Variants in OR52N2 observed in about 807,000 individuals in gnomAD.
OR52N2 encodes the protein olfactory receptor 52N2.
For missense variants in OR52N2, 326 were observed against 196.6 expected (o/e 1.66, Z -3.94); for synonymous variants, 129 against 72.0 (o/e 1.79, Z -4.01).
At chr11:5,811,413 T>C (rs755465654) in intron 1 of OR52N2, among the ~76,000 whole-genome samples, 4 of 152,078 alleles carry the variant, frequency 2.6e-5, no homozygotes, top group Non-Finnish European at 4.4e-5. Context: ...AAGAAGTAAA[T>C]GTGACATCAG....
intron 1 of OR52N2, among the ~76,000 whole-genome samples, chr11:5,814,758 A>G (rs1846388751): frequency 6.6e-6 from 1 of 152,202 alleles, no homozygotes; most frequent in African/African-American, 2.4e-5. Context: ...GGGACCCTAC[A>G]TAGCCAAAGC....
chr11:5,816,485 T>C (rs572467767), intron 1 of OR52N2, among the ~76,000 whole-genome samples: 3 of 152,120 alleles, frequency 2.0e-5, no homozygotes, highest in Middle Eastern at 3.4e-3. Flanking sequence ...CTTCATGCAG[T>C]TGAGTGTAAA....
Position 5,820,453 on chromosome 11 carries a change from G to T in OR52N2, c.118G>T (p.Ala40Ser). The T allele has an allele frequency of 1.3e-6, 1 of 780,384 alleles. No individual in the cohort carries two copies. The highest frequency in any genetic ancestry group is 2.4e-6 in the Non-Finnish European group (1 of 417,848). 48.3% of individuals were successfully genotyped at this position (780,384 alleles called of 1,614,324 possible). A position where few individuals can be genotyped will look rare whatever the true frequency, so the allele number is the denominator to read the frequency against. ...GCCATTCTGCTTTATGTACATCATT[G>T]CTGTCGTGGGGAACTGTGGGCTCAT... ...SLPFCFMYIIAVVGNCGLICL... is the reference protein window; with the variant it reads ...SLPFCFMYIISVVGNCGLICL... Residue 40 changes from alanine to serine, a missense_variant, in exon 2 of 2, where the codon GCT (alanine) becomes TCT (serine). By Grantham distance (99) the Ala-to-Ser change is moderately conservative. Coordinates refer to ENST00000317037, the MANE Select transcript of OR52N2 (RefSeq NM_001005174.3).
chr11:5,818,409 C>T (rs1034321270), intron 1 of OR52N2, among the ~76,000 whole-genome samples: 1 of 151,998 alleles, frequency 6.6e-6, no homozygotes, highest in African/African-American at 2.4e-5. Context: ...GAGACTAAAT[C>T]AGCCTGGGGC....
intron 1 of OR52N2, among the ~76,000 whole-genome samples, chr11:5,817,714 A>C (rs766120069): frequency 6.6e-6 from 1 of 152,220 alleles, no homozygotes; most frequent in Non-Finnish European, 1.5e-5. Context: ...TCTAACGTTT[A>C]TCAACACAAT....
intron 1 of OR52N2, among the ~76,000 whole-genome samples, chr11:5,815,135 G>T (rs901541075): frequency 5.3e-5 from 8 of 151,712 alleles, no homozygotes; most frequent in Non-Finnish European, 7.4e-5. Context: ...AAAACAAAGA[G>T]AAAAAATTTT....
rs149599871 is a variant in OR52N2, at chr11:5,820,532, C to G, written c.197C>G (p.Ala66Gly). The part of the protein sequence containing the change: ...ALHRPMYYFL[A>G]LLSFTDVTLC... ...CACCGGCCCATGTACTACTTCCTGG[C>G]CCTGCTCTCCTTCACTGATGTCACC... Residue 66 changes from alanine (A) to glycine (G), a missense_variant, in exon 2 of 2, where the codon GCC becomes GGC. Transcript: ENST00000317037. The G allele has an allele frequency of 1.3e-6, 1 of 778,854 alleles. No individual in the cohort carries two copies. The highest frequency in any genetic ancestry group is 2.4e-6 in the Non-Finnish European group (1 of 416,936). The allele number at this position is 778,854 out of a possible 1,614,324, so 48.2% of individuals were successfully genotyped here. A position where few individuals can be genotyped will look rare whatever the true frequency, so the allele number is the denominator to read the frequency against.
In OR52N2 at chr11:5,812,756, A is replaced by G. The variant is rs1846374149; in HGVS notation, c.-55+3702A>G. 4.6e-5 allele frequency among the ~76,000 whole-genome samples: 7 copies of G among 152,150 alleles called. No individual in the cohort carries two copies. The South Asian group carries it at 1.5e-3, about 32-fold the overall frequency. ...TCACCCAGATAGATAATCAACAAGGAAACACTGGACTTGAACTATACTTCA... is the reference window on the plus strand; with the variant it reads ...TCACCCAGATAGATAATCAACAAGGGAACACTGGACTTGAACTATACTTCA... On this transcript the variant is annotated intron_variant, in intron 1 of 1. Transcript: ENST00000317037.
chr11:5,820,904 C>T lies in OR52N2; in HGVS notation c.569C>T (p.Ser190Phe), dbSNP rs140734548. 800 of 781,028 alleles carry T rather than the reference C, an allele frequency of 1.0e-3. 2 individuals are homozygous for T. The highest frequency in any genetic ancestry group is 1.7e-3 in the Non-Finnish European group (713 of 418,116). 48.4% of individuals were successfully genotyped at this position (781,028 alleles called of 1,614,324 possible). Residue 190 changes from serine (S) to phenylalanine (F), a missense_variant, in exon 2 of 2, where the codon TCC becomes TTC. Ser to Phe is a radical substitution (Grantham distance 155). Transcript: ENST00000317037. ...GACCATATGTCTGTGGCCAAGGTAT[C>T]CTGTGGCAATTTCAAGGTCAATGCT... Reference protein sequence around the residue: ...YCDHMSVAKVSCGNFKVNAIY... With the variant: ...YCDHMSVAKVFCGNFKVNAIY...
At chr11:5,816,705 A>G (rs754008305) in intron 1 of OR52N2, among the ~76,000 whole-genome samples, 2 of 151,880 alleles carry the variant, frequency 1.3e-5, no homozygotes, top group African/African-American at 4.8e-5. Flanking sequence ...ACGCCTGGCT[A>G]ATCTTTGTAT....
At chr11:5,820,171 G>A in intron 1 of OR52N2, 111 bp from the exon 2 acceptor site, 1 of 652,264 alleles carries the variant, frequency 1.5e-6, no homozygotes, top group South Asian at 1.8e-5. Flanking sequence ...ATAGTTGGAA[G>A]AAAGAATTTC....
intron 1 of OR52N2, among the ~76,000 whole-genome samples, chr11:5,814,365 A>G (rs1362151173): frequency 1.4e-5 from 2 of 140,504 alleles, no homozygotes; most frequent in African/African-American, 5.2e-5. Context: ...AACAATCTGA[A>G]AAGAAATTTA....
At chr11:5,814,474 T>C (rs1846386979) in intron 1 of OR52N2, among the ~76,000 whole-genome samples, 1 of 152,014 alleles carries the variant, frequency 6.6e-6, no homozygotes, top group South Asian at 2.1e-4. Flanking sequence ...CATTGTAAAT[T>C]AAATTATTTT....
rs758562473 is a variant in OR52N2 at position 5,820,791 on chromosome 11, G to C, written c.456G>C (p.Leu152Phe). Residue 152 changes from leucine (L) to phenylalanine (F), a missense_variant, in exon 2 of 2, where the codon TTG (leucine) becomes TTC (phenylalanine). Coordinates refer to ENST00000317037, the MANE Select transcript of OR52N2 (RefSeq NM_001005174.3). ...CCAAGGCTGGTCTTGCCACCTTCTT[G>C]AGGAATGTGATGCTCATCATCCCAT... ...VIAKAGLATF[L>F]RNVMLIIPFT... 1 of 772,486 alleles carries C rather than the reference G, an allele frequency of 1.3e-6. No homozygotes were observed. The highest frequency in any genetic ancestry group is 2.4e-6 in the Non-Finnish European group (1 of 414,254). The allele number at this position is 772,486 out of a possible 1,614,324, so 47.9% of individuals were successfully genotyped here.
chr11:5,810,528 G>A (rs922653985), intron 1 of OR52N2, among the ~76,000 whole-genome samples: 1 of 137,648 alleles, frequency 7.3e-6, no homozygotes, highest in Non-Finnish European at 1.6e-5. Flanking sequence ...ATAAGTATGA[G>A]ATGTAATGTC....
chr11:5,811,279 A>T (rs1202590118), intron 1 of OR52N2, among the ~76,000 whole-genome samples: 1 of 102,254 alleles, frequency 9.8e-6, no homozygotes, highest in Non-Finnish European at 2.4e-5. Context: ...ACATAGTGAA[A>T]CTCTGAATAA....
intron 1 of OR52N2, among the ~76,000 whole-genome samples, chr11:5,819,443 A>G (rs577320719): frequency 1.3e-5 from 2 of 152,316 alleles, no homozygotes; most frequent in African/African-American, 4.8e-5. Flanking sequence ...TTGAGTGTAA[A>G]TTTAGTATTG....
At chr11:5,810,288 T>G (rs10769247) in intron 1 of OR52N2, among the ~76,000 whole-genome samples, 38,306 of 152,140 alleles carry the variant, frequency 0.25, 4,835 homozygotes, top group Middle Eastern at 0.31. Context: ...GTATTTTGCC[T>G]GAAAAATCTA....
chr11:5,820,443 G>A lies in OR52N2; in HGVS notation c.108G>A (p.Met36Ile). 1.3e-6 allele frequency: 1 copy of A among 780,688 alleles called. No homozygotes were observed. The highest frequency in any genetic ancestry group is 2.4e-6 in the Non-Finnish European group (1 of 418,002). 48.4% of individuals were successfully genotyped at this position (780,688 alleles called of 1,614,324 possible). Residue 36 changes from methionine (M) to isoleucine (I), a missense_variant, in exon 2 of 2, where the codon ATG (methionine) becomes ATA (isoleucine). Met to Ile is a conservative substitution (Grantham distance 10). Coordinates refer to ENST00000317037, the MANE Select transcript of OR52N2 (RefSeq NM_001005174.3). ...HIWISLPFCF[M>I]YIIAVVGNCG... Reference sequence around the variant, plus strand: ...GGATCTCCCTGCCATTCTGCTTTATGTACATCATTGCTGTCGTGGGGAACT... The same window carrying A: ...GGATCTCCCTGCCATTCTGCTTTATATACATCATTGCTGTCGTGGGGAACT...
Sources: allele counts gnomAD v4.1 joint callset (sites outside exome capture counted in the v4.1 genomes callset), GRCh38; gene constraint gnomAD v4.1.1; transcripts MANE v1.5; gene names NCBI Gene and HGNC (gene_info 2026-07-23, HGNC 2026-07-21).